The following ADAMTS12 variants were observed in gnomAD, a reference collection of about 807,000 sequenced individuals.
ADAMTS12 encodes A disintegrin and metalloproteinase with thrombospondin motifs 12.
A neutral mutation model predicts 167.8 loss-of-function variants in ADAMTS12; 118 were observed. The ratio of observed to expected loss-of-function variants is 0.70; its 90% CI spans 0.61 to 0.82. ADAMTS12 has a LOEUF of 0.82. Ranked by LOEUF, ADAMTS12 falls within the 40% of genes least tolerant of loss-of-function variation. The pLI is 0.00. For synonymous variants in ADAMTS12, 704 were observed against 716.9 expected, an observed-to-expected ratio of 0.98 and a Z score of 0.29; for missense variants, 1,916 against 1,998.8, an observed-to-expected ratio of 0.96 and a Z score of 0.79.
chr5:33,663,091 A>G (rs1156645364), intron 5 of ADAMTS12, among the ~76,000 whole-genome samples: 3 of 152,262 alleles, frequency 2.0e-5, no homozygotes, highest in Non-Finnish European at 4.4e-5. Context: ...TCTCCTCGTC[A>G]TAAGTAACTA....
intron 3 of ADAMTS12, among the ~76,000 whole-genome samples, chr5:33,693,283 G>C (rs1397013831): frequency 6.6e-6 from 1 of 152,096 alleles, no homozygotes; most frequent in Non-Finnish European, 1.5e-5. Flanking sequence ...ATATATCATA[G>C]AGACCTTGAG....
At chr5:33,624,186 C>T in intron 14 of ADAMTS12, 45 bp downstream of exon 14, 6 of 1,610,874 alleles carry the variant, frequency 3.7e-6, no homozygotes, top group Non-Finnish European at 5.1e-6. Context: ...ATCTTGCCCC[C>T]CACCTTTGGT....
At chr5:33,747,756 G>A (rs1744840291) in intron 3 of ADAMTS12, among the ~76,000 whole-genome samples, 1 of 152,128 alleles carries the variant, frequency 6.6e-6, no homozygotes, top group African/African-American at 2.4e-5. Context: ...CCAATATTGA[G>A]TAGCAAAAGG....
intron 2 of ADAMTS12, among the ~76,000 whole-genome samples, chr5:33,751,959 A>G (rs1745003270): frequency 6.6e-6 from 1 of 152,198 alleles, no homozygotes; most frequent in Non-Finnish European, 1.5e-5. Context: ...CTTTTAGAAC[A>G]TTTACCTGCA....
chr5:33,847,266 G>C (rs979874845), intron 2 of ADAMTS12, among the ~76,000 whole-genome samples: 1 of 152,082 alleles, frequency 6.6e-6, no homozygotes, highest in African/African-American at 2.4e-5. Context: ...AGACTCAAGG[G>C]TAGCACCTTC....
intron 19 of ADAMTS12, among the ~76,000 whole-genome samples, chr5:33,561,867 T>G (rs1431124557): frequency 6.6e-6 from 1 of 152,104 alleles, no homozygotes; most frequent in African/African-American, 2.4e-5. Context: ...CTGTTCAGAG[T>G]GGATGTCAGG....
intron 3 of ADAMTS12, among the ~76,000 whole-genome samples, chr5:33,720,308 A>ACACACACACG (rs1448366097): frequency 6.6e-6 from 1 of 151,682 alleles, no homozygotes. Flanking sequence ...ACACACACAC[A>ACACACACACG]CACACGATTG....
intron 1 of ADAMTS12, among the ~76,000 whole-genome samples, chr5:33,887,353 G>A (rs1185749780): frequency 1.3e-5 from 2 of 151,902 alleles, no homozygotes; most frequent in African/African-American, 4.8e-5. Flanking sequence ...TTTTTCCTGG[G>A]CAATCGGATC....
At chr5:33,852,012 T>C (rs1306821342) in intron 2 of ADAMTS12, among the ~76,000 whole-genome samples, 3 of 152,142 alleles carry the variant, frequency 2.0e-5, no homozygotes, top group South Asian at 2.1e-4. Flanking sequence ...TCTGTAGAGG[T>C]TGGAAAAGAT....
At chr5:33,632,789 G>C (rs1039938993) in intron 12 of ADAMTS12, among the ~76,000 whole-genome samples, 1 of 152,118 alleles carries the variant, frequency 6.6e-6, no homozygotes, top group Non-Finnish European at 1.5e-5. Context: ...TTTGTATTTG[G>C]AATACATAAA....
intron 7 of ADAMTS12, among the ~76,000 whole-genome samples, chr5:33,652,089 C>A (rs560410452): frequency 1.3e-5 from 2 of 152,058 alleles, no homozygotes; most frequent in Non-Finnish European, 2.9e-5. Flanking sequence ...AATAAACATA[C>A]GAGTGCAGGT....
intron 3 of ADAMTS12, among the ~76,000 whole-genome samples, chr5:33,728,838 T>C (rs1744075845): frequency 6.6e-6 from 1 of 152,252 alleles, no homozygotes; most frequent in Admixed American, 6.5e-5. Context: ...ACCTCTCAGT[T>C]GTACTAATCT....
chr5:33,559,227 G>T (rs934597676), intron 20 of ADAMTS12, among the ~76,000 whole-genome samples: 5 of 152,124 alleles, frequency 3.3e-5, no homozygotes, highest in African/African-American at 1.2e-4. Context: ...TTTCTCCTGT[G>T]TCTCAGCTAT....
chr5:33,536,677 T>G (rs962539905), intron 22 of ADAMTS12, among the ~76,000 whole-genome samples: 3 of 152,200 alleles, frequency 2.0e-5, no homozygotes, highest in Non-Finnish European at 2.9e-5. Context: ...TTCTTTGCTA[T>G]GCACAATTGG....
chr5:33,530,737 C>T (rs567365699), intron 23 of ADAMTS12, among the ~76,000 whole-genome samples: 22 of 152,276 alleles, frequency 1.4e-4, no homozygotes, highest in Admixed American at 9.2e-4. Flanking sequence ...CACTCGGGCA[C>T]GGCACCATAC....
At chr5:33,819,302 T>C (rs1747785148) in intron 2 of ADAMTS12, among the ~76,000 whole-genome samples, 2 of 152,190 alleles carry the variant, frequency 1.3e-5, no homozygotes, top group Non-Finnish European at 2.9e-5. Context: ...AGTGGAAATC[T>C]AGTTTTCTCA....
In ADAMTS12 at chr5:33,576,790, C is replaced by A. The variant is rs202204545; in HGVS notation, c.3236G>T (p.Arg1079Leu). The A allele has an allele frequency of 2.5e-6, 4 of 1,614,190 alleles. No homozygotes were observed. Among genetic ancestry groups the A allele is most frequent in the Non-Finnish European group, 3.4e-6 (4 of 1,180,030 alleles). Reference sequence around the variant, plus strand: ...AGTGCTTCCAGTGGAAATGAGATAGCGAGAGCTCAGCTCAGGTTGGGTTGA... The same window carrying A: ...AGTGCTTCCAGTGGAAATGAGATAGAGAGAGCTCAGCTCAGGTTGGGTTGA... ...DSSTQPELSS[R>L]YLISTGSTSQ... The change falls in exon 19 of 24, where the codon CGC becomes CTC. Residue 1079 changes from arginine to leucine, a missense_variant. By Grantham distance (102) the Arg-to-Leu change is moderately radical. Transcript: ENST00000504830.
intron 3 of ADAMTS12, among the ~76,000 whole-genome samples, chr5:33,718,790 C>T (rs886518262): frequency 1.3e-5 from 2 of 152,120 alleles, no homozygotes; most frequent in African/African-American, 4.8e-5. Context: ...AAGGAAAGAG[C>T]CATTTAGTGC....
intron 3 of ADAMTS12, among the ~76,000 whole-genome samples, chr5:33,733,556 C>G (rs976787898): frequency 6.6e-6 from 1 of 152,162 alleles, no homozygotes; most frequent in African/African-American, 2.4e-5. Flanking sequence ...ACTAGCTAGT[C>G]TGAAGGGAGC....
Sources: allele counts gnomAD v4.1 joint callset (sites outside exome capture counted in the v4.1 genomes callset), GRCh38; gene constraint gnomAD v4.1.1; transcripts MANE v1.5; gene names NCBI Gene and HGNC (gene_info 2026-07-23, HGNC 2026-07-21).